Variants in RTN1 observed in about 807,000 individuals in gnomAD.
RTN1 encodes the protein reticulon 1.
In RTN1, 25 loss-of-function variants were observed where a neutral mutation model predicts 65.5. The ratio of observed to expected loss-of-function variants is 0.38; its 90% confidence interval spans 0.28 to 0.53. RTN1 has a LOEUF of 0.53. Among genes scored for constraint, RTN1 ranks in the 20% least tolerant of loss-of-function variants. The pLI is 0.79. For synonymous variants in RTN1, 471 were observed against 447.6 expected, an observed-to-expected ratio of 1.05 and a Z score of -0.66; for missense variants, 983 against 1,025.4, an observed-to-expected ratio of 0.96 and a Z score of 0.57.
At chr14:59,658,055 G>T (rs562114126) in intron 3 of RTN1, among the ~76,000 whole-genome samples, 1 of 152,212 alleles carries the variant, frequency 6.6e-6, no homozygotes, top group South Asian at 2.1e-4. Context: ...TCAGGTTGGT[G>T]GGGGGAGGGG....
chr14:59,597,959 G>A (rs7140547), intron 8 of RTN1, among the ~76,000 whole-genome samples: 79,736 of 151,620 alleles, frequency 0.53, 21,472 homozygotes, highest in East Asian at 0.84. Context: ...TGGAGTTTGT[G>A]GGATGCGGTG....
intron 3 of RTN1, among the ~76,000 whole-genome samples, chr14:59,660,086 A>C (rs1211253371): frequency 6.6e-6 from 1 of 152,186 alleles, no homozygotes; most frequent in Non-Finnish European, 1.5e-5. Flanking sequence ...CAAGGGTTGC[A>C]ATCCTAGTCT....
At chr14:59,746,825 T>G (rs1439095107) in intron 1 of RTN1, among the ~76,000 whole-genome samples, 1 of 152,128 alleles carries the variant, frequency 6.6e-6, no homozygotes, top group African/African-American at 2.4e-5. Flanking sequence ...AAAGAAACCC[T>G]CTTTGTATCT....
chr14:59,596,939 T>C (rs1287270391), intron 8 of RTN1, 152 bp from the exon 9 acceptor site: 1 of 537,194 alleles, frequency 1.9e-6, no homozygotes, highest in African/African-American at 1.9e-5. Context: ...AATACTCTTC[T>C]ATAAAGCAAT....
intron 1 of RTN1, among the ~76,000 whole-genome samples, chr14:59,758,737 A>G (rs912207610): frequency 6.6e-6 from 1 of 152,152 alleles, no homozygotes; most frequent in Non-Finnish European, 1.5e-5. Flanking sequence ...ATACATCTTC[A>G]TATCTTTGCA....
At chr14:59,609,704 CTCTT>C (rs1255479799) in intron 3 of RTN1, among the ~76,000 whole-genome samples, 1 of 152,168 alleles carries the variant, frequency 6.6e-6, no homozygotes, top group Admixed American at 6.5e-5. Flanking sequence ...GGTATTTACT[CTCTT>C]TGTGCAGGGG....
intron 1 of RTN1, among the ~76,000 whole-genome samples, chr14:59,847,618 T>C (rs17096699): frequency 1.3e-5 from 2 of 152,084 alleles, no homozygotes; most frequent in East Asian, 3.9e-4. Flanking sequence ...GCAAAACAAT[T>C]ATCTGCTTTC....
intron 3 of RTN1, among the ~76,000 whole-genome samples, chr14:59,632,822 G>A (rs904700189): frequency 1.2e-4 from 18 of 152,220 alleles, no homozygotes; most frequent in Non-Finnish European, 1.8e-4. Flanking sequence ...GGGGCCAGGC[G>A]CGGTGGTTCA....
At chr14:59,729,124 A>G (rs112301210) in intron 2 of RTN1, among the ~76,000 whole-genome samples, 1 of 152,204 alleles carries the variant, frequency 6.6e-6, no homozygotes, top group Admixed American at 6.5e-5. Context: ...AGAGTGACTC[A>G]TGAAGATATC....
Position 59,794,305 on chromosome 14 carries a change from C to T in RTN1, c.242-47824G>A, listed in dbSNP as rs1886402645. On this transcript the variant is annotated intron_variant, in intron 1 of 8. Coordinates refer to ENST00000267484, the MANE Select transcript of RTN1 (RefSeq NM_021136.3). This position sits in a 1 kb window ranked among gnomAD's most constrained non-coding sequence, Gnocchi z 5.1. ...TGAGTGTTAACAGAAACACGTCTAA[C>T]CCAAGTATATTGTTAACTTATAGAG... Among the ~76,000 whole-genome samples, 1 of 152,104 alleles carries T rather than the reference C, an allele frequency of 6.6e-6. No individual in the cohort carries two copies. The highest frequency in any genetic ancestry group is 2.4e-5 in the African/African-American group (1 of 41,416).
At chr14:59,675,078 AACAC>A (rs1194155387) in intron 3 of RTN1, among the ~76,000 whole-genome samples, 1 of 118,012 alleles carries the variant, frequency 8.5e-6, no homozygotes, top group Non-Finnish European at 1.9e-5. Flanking sequence ...CACACACACA[AACAC>A]ACACACATTA....
chr14:59,838,764 G>C (rs1013079149), intron 1 of RTN1, among the ~76,000 whole-genome samples: 26 of 152,006 alleles, frequency 1.7e-4, no homozygotes, highest in Admixed American at 1.7e-3. Flanking sequence ...AACCATAAGA[G>C]TTAATACTAC....
At chr14:59,769,961 A>G (rs1316628790) in intron 1 of RTN1, among the ~76,000 whole-genome samples, 1 of 152,208 alleles carries the variant, frequency 6.6e-6, no homozygotes, top group Non-Finnish European at 1.5e-5. Context: ...TTTCCCAGGC[A>G]GAGAACATGG....
chr14:59,639,792 A>G (rs1226722784), intron 3 of RTN1, among the ~76,000 whole-genome samples: 2 of 152,174 alleles, frequency 1.3e-5, no homozygotes, highest in Non-Finnish European at 2.9e-5. Flanking sequence ...AGATGACCAC[A>G]TGGATTTTTT....
intron 8 of RTN1, among the ~76,000 whole-genome samples, chr14:59,598,702 T>C (rs1310495152): frequency 6.6e-6 from 1 of 152,204 alleles, no homozygotes; most frequent in African/African-American, 2.4e-5. Context: ...CATTACTCTT[T>C]TCCCTCATAT....
At chr14:59,738,456 A>C (rs1037500121) in intron 2 of RTN1, among the ~76,000 whole-genome samples, 1 of 152,234 alleles carries the variant, frequency 6.6e-6, no homozygotes, top group Non-Finnish European at 1.5e-5. Context: ...AATGAGGTAC[A>C]ATCTTACAAA....
chr14:59,606,148 C>T (rs1031964973), intron 4 of RTN1: 2 of 139,918 alleles, frequency 1.4e-5, no homozygotes, highest in African/African-American at 6.3e-5. Context: ...TAAGCCTCCT[C>T]TGCTTGGCCA....
chr14:59,603,289 T>G (rs1225197580), intron 6 of RTN1, 31 bp from the exon 7 acceptor site: 27 of 1,573,406 alleles, frequency 1.7e-5, no homozygotes, highest in Non-Finnish European at 2.4e-5. Flanking sequence ...AGTATTAAAA[T>G]TCTGAGTTAT....
At chr14:59,728,435 AAC>A (rs914200752) in intron 2 of RTN1, among the ~76,000 whole-genome samples, 1 of 151,780 alleles carries the variant, frequency 6.6e-6, no homozygotes, top group African/African-American at 2.4e-5. Context: ...AGAAGAACAA[AAC>A]CTGAGAGTCA....
Sources: gnomAD v4.1 joint callset for allele counts (sites outside exome capture counted in the v4.1 genomes callset) on GRCh38, gnomAD v4.1.1 for gene constraint, Gnocchi (gnomAD v3.1) non-coding constraint, MANE v1.5 for transcripts, NCBI Gene and HGNC (gene_info 2026-07-23, HGNC 2026-07-21) for gene names.